The following IRAK3 variants were observed in gnomAD, a reference collection of about 807,000 sequenced individuals.
IRAK3 encodes the protein interleukin-1 receptor-associated kinase 3.
A neutral mutation model predicts 56.6 loss-of-function variants in IRAK3; 57 were observed. The ratio of observed to expected loss-of-function variants is 1.01; its 90% CI spans 0.81 to 1.26. The LOEUF (loss-of-function observed/expected upper bound fraction) is 1.26, where lower values mean the gene tolerates loss of function less well. IRAK3 is among the 50% of genes most tolerant of loss of function. IRAK3 has a pLI of 0.00. For synonymous variants in IRAK3, 258 were observed against 255.7 expected (o/e 1.01, Z -0.09); for missense variants, 703 against 719.0 (o/e 0.98, Z 0.25).
intron 8 of IRAK3, among the ~76,000 whole-genome samples, chr12:66,236,555 A>AAGAC (rs2052910405): frequency 1.3e-5 from 2 of 151,826 alleles, no homozygotes; most frequent in Non-Finnish European, 2.9e-5. Context: ...GCGATAGAAC[A>AAGAC]AGACTCCGTC....
intron 2 of IRAK3, among the ~76,000 whole-genome samples, chr12:66,205,139 G>T (rs1266337394): frequency 6.6e-6 from 1 of 152,078 alleles, no homozygotes; most frequent in East Asian, 1.9e-4. Flanking sequence ...ACAAACTTAC[G>T]CCACTTTAAT....
At chr12:66,214,593 C>T (rs73125384) in intron 5 of IRAK3, among the ~76,000 whole-genome samples, 3 of 144,370 alleles carry the variant, frequency 2.1e-5, no homozygotes, top group Admixed American at 7.1e-5. Context: ...GCAGAAAGAC[C>T]TGGTAGAGGG....
chr12:66,246,269 T>C (rs1052921471), intron 11 of IRAK3, among the ~76,000 whole-genome samples: 6 of 152,116 alleles, frequency 3.9e-5, no homozygotes, highest in Non-Finnish European at 8.8e-5. Flanking sequence ...TCCAAGGTGA[T>C]GGAGCCCATG....
At chr12:66,239,221 G>A (rs2052938336) in intron 8 of IRAK3, among the ~76,000 whole-genome samples, 1 of 151,210 alleles carries the variant, frequency 6.6e-6, no homozygotes, top group African/African-American at 2.4e-5. Flanking sequence ...TTTGTCTCCT[G>A]CCAAGTGAAA....
At chr12:66,191,921 G>A (rs1592571513) in intron 1 of IRAK3, among the ~76,000 whole-genome samples, 1 of 152,222 alleles carries the variant, frequency 6.6e-6, no homozygotes, top group Non-Finnish European at 1.5e-5. Flanking sequence ...TGAGTGTCAG[G>A]TTATGTTTAC....
At chr12:66,235,927 A>G (rs1054389720) in intron 8 of IRAK3, among the ~76,000 whole-genome samples, 2 of 152,224 alleles carry the variant, frequency 1.3e-5, no homozygotes, top group African/African-American at 4.8e-5. Flanking sequence ...AATTTATTAG[A>G]CAAAAATAAC....
At chr12:66,244,759 A>G (rs1293695300) in intron 9 of IRAK3, 75 bp downstream of exon 9, 1 of 1,377,940 alleles carries the variant, frequency 7.3e-7, no homozygotes, top group East Asian at 2.4e-5. Context: ...TTTTTTAAAG[A>G]GTTTTAACTT....
rs1381079288 is a variant in IRAK3 at position 66,189,387 on chromosome 12, G to GCT, written c.89_90dup (p.Val31LeufsTer33). 10 of 1,527,564 alleles carry GCT rather than the reference G, an allele frequency of 6.5e-6. No homozygotes were observed. Among genetic ancestry groups the GCT allele is most frequent in the Non-Finnish European group, 8.7e-6 (10 of 1,143,248 alleles). The allele number at this position is 1,527,564 out of a possible 1,614,324, so 94.6% of individuals were successfully genotyped here. The stretch of plus-strand genomic sequence containing the variant: ...GCCCGCGCTGCTCGGAGAGCTCTGC[G>GCT]CTGTTCTGGACAGCTGCGACGGCGC... On this transcript the variant is annotated frameshift_variant, in exon 1 of 12. Coordinates refer to ENST00000261233, the MANE Select transcript of IRAK3 (RefSeq NM_007199.3). LOFTEE classifies it high-confidence loss of function.
chr12:66,235,555 C>T (rs1470214461), intron 8 of IRAK3, among the ~76,000 whole-genome samples: 1 of 151,834 alleles, frequency 6.6e-6, no homozygotes, highest in Non-Finnish European at 1.5e-5. Flanking sequence ...GACGGGAGTT[C>T]GCGCGCGGAG....
intron 11 of IRAK3, among the ~76,000 whole-genome samples, chr12:66,246,876 T>C (rs1592606001): frequency 6.6e-6 from 1 of 152,342 alleles, no homozygotes; most frequent in East Asian, 1.9e-4. Context: ...CATCCGAAGC[T>C]TCTAACATAC....
At chr12:66,215,690 T>C (rs2052663635) in intron 5 of IRAK3, among the ~76,000 whole-genome samples, 1 of 152,162 alleles carries the variant, frequency 6.6e-6, no homozygotes, top group South Asian at 2.1e-4. Context: ...TTACTGTCTC[T>C]ACATACATTT....
intron 6 of IRAK3, among the ~76,000 whole-genome samples, chr12:66,221,188 G>A (rs1207118457): frequency 2.6e-5 from 4 of 152,088 alleles, no homozygotes; most frequent in Non-Finnish European, 5.9e-5. Flanking sequence ...TTAGCATATA[G>A]ACACATAGTT....
chr12:66,237,946 A>G (rs893468736), intron 8 of IRAK3, among the ~76,000 whole-genome samples: 1 of 152,214 alleles, frequency 6.6e-6, no homozygotes, highest in African/African-American at 2.4e-5. Context: ...TTTACTTAGT[A>G]TCTTCTATAG....
intron 1 of IRAK3, among the ~76,000 whole-genome samples, chr12:66,192,515 C>G (rs146436648): frequency 1.3e-5 from 2 of 152,078 alleles, no homozygotes; most frequent in Non-Finnish European, 1.5e-5. Flanking sequence ...CAGCTGACAC[C>G]GTAAAAACCT....
intron 6 of IRAK3, among the ~76,000 whole-genome samples, chr12:66,224,397 T>A (rs2052765641): frequency 1.3e-5 from 2 of 152,120 alleles, no homozygotes; most frequent in Admixed American, 6.5e-5. Flanking sequence ...ATAATCTAAT[T>A]TAAGTGATAA....
intron 6 of IRAK3, among the ~76,000 whole-genome samples, chr12:66,219,951 C>T (rs914743540): frequency 1.3e-5 from 2 of 152,122 alleles, no homozygotes; most frequent in Admixed American, 1.3e-4. Flanking sequence ...TATCTTAACA[C>T]CTTATTAGAT....
intron 8 of IRAK3, among the ~76,000 whole-genome samples, chr12:66,237,929 A>G (rs1221706056): frequency 6.6e-6 from 1 of 152,208 alleles, no homozygotes; most frequent in Non-Finnish European, 1.5e-5. Flanking sequence ...GATTATATCA[A>G]CAAATATTTA....
At chr12:66,194,545 C>G (rs937712208) in intron 1 of IRAK3, among the ~76,000 whole-genome samples, 7 of 152,112 alleles carry the variant, frequency 4.6e-5, no homozygotes, top group Non-Finnish European at 1.0e-4. Context: ...TTACATGCCC[C>G]TGCCGGACGC....
At chr12:66,215,084 AAC>A (rs1014966352) in intron 5 of IRAK3, among the ~76,000 whole-genome samples, 1 of 152,220 alleles carries the variant, frequency 6.6e-6, no homozygotes, top group African/African-American at 2.4e-5. Flanking sequence ...TGAGAAGATG[AAC>A]AGTCTGCTAA....
Sources: gnomAD v4.1 joint callset for allele counts (sites outside exome capture counted in the v4.1 genomes callset) on GRCh38, gnomAD v4.1.1 for gene constraint, MANE v1.5 for transcripts, NCBI Gene and HGNC (gene_info 2026-07-23, HGNC 2026-07-21) for gene names.